The following CTNNA3 variants were observed in gnomAD, a reference collection of about 807,000 sequenced individuals.
CTNNA3 encodes catenin alpha-3.
In CTNNA3, 76 loss-of-function variants were observed where a neutral mutation model predicts 95.7. That is an observed-to-expected ratio of 0.79 (90% CI 0.66 to 0.96). The LOEUF is 0.96. Among genes scored for constraint, CTNNA3 ranks in the 40% least tolerant of loss-of-function variants. CTNNA3 has a pLI of 0.00. For missense variants in CTNNA3, 1,191 were observed against 1,089.8 expected, an observed-to-expected ratio of 1.09 and a Z score of -1.31; for synonymous variants, 431 against 374.4, an observed-to-expected ratio of 1.15 and a Z score of -1.74.
intron 9 of CTNNA3, among the ~76,000 whole-genome samples, chr10:66,715,797 G>A (rs1413980744): frequency 2.0e-5 from 3 of 151,558 alleles, no homozygotes; most frequent in Admixed American, 6.6e-5. Context: ...ATATTGCTAT[G>A]GTCAAGATTT....
intron 7 of CTNNA3, among the ~76,000 whole-genome samples, chr10:66,838,668 G>A (rs1320412869): frequency 6.6e-6 from 1 of 152,122 alleles, no homozygotes; most frequent in Non-Finnish European, 1.5e-5. Context: ...TTCTCTAGGA[G>A]AGGAAATGTG....
intron 1 of CTNNA3, among the ~76,000 whole-genome samples, chr10:67,663,735 G>C (rs1840258529): frequency 6.6e-6 from 1 of 152,160 alleles, no homozygotes; most frequent in South Asian, 2.1e-4. Context: ...ACTGTCCCTG[G>C]CTCATCATGT....
At chr10:65,991,403 A>G (rs1309632721) in intron 15 of CTNNA3, among the ~76,000 whole-genome samples, 1 of 151,848 alleles carries the variant, frequency 6.6e-6, no homozygotes, top group African/African-American at 2.4e-5. Flanking sequence ...GGCATGAAAT[A>G]TATTTTTTAT....
chr10:66,946,875 G>A (rs74637031), intron 7 of CTNNA3, among the ~76,000 whole-genome samples: 2,525 of 152,190 alleles, frequency 0.017, 55 homozygotes, highest in African/African-American at 0.057. Flanking sequence ...TCCACAGCAT[G>A]AATGACTCAG....
intron 1 of CTNNA3, among the ~76,000 whole-genome samples, chr10:67,752,822 G>C (rs1436472240): frequency 6.6e-6 from 1 of 152,104 alleles, no homozygotes; most frequent in Non-Finnish European, 1.5e-5. Flanking sequence ...AAATAAGAGA[G>C]GACACAAACA....
chr10:67,216,615 C>T, intron 6 of CTNNA3, among the ~76,000 whole-genome samples: 1 of 152,156 alleles, frequency 6.6e-6, no homozygotes, highest in Middle Eastern at 3.4e-3. Context: ...TAAACAATGA[C>T]TGTATGAATG....
chr10:66,331,151 T>C (rs901683190), intron 12 of CTNNA3, among the ~76,000 whole-genome samples: 8 of 152,078 alleles, frequency 5.3e-5, no homozygotes, highest in African/African-American at 1.9e-4. Context: ...CATACCTATG[T>C]CCTGAATGGT....
intron 5 of CTNNA3, among the ~76,000 whole-genome samples, chr10:67,477,066 C>G (rs1848040948): frequency 6.6e-6 from 1 of 152,080 alleles, no homozygotes; most frequent in African/African-American, 2.4e-5. Context: ...GCTGCCCAAC[C>G]CTTCCTGTGC....
At chr10:66,907,880 G>A (rs920006672) in intron 7 of CTNNA3, among the ~76,000 whole-genome samples, 1 of 152,082 alleles carries the variant, frequency 6.6e-6, no homozygotes, top group Non-Finnish European at 1.5e-5. Flanking sequence ...TATGGTGAAG[G>A]CTATCATAGG....
chr10:66,558,765 G>A (rs756721976), intron 10 of CTNNA3, among the ~76,000 whole-genome samples: 1 of 152,080 alleles, frequency 6.6e-6, no homozygotes, highest in African/African-American at 2.4e-5. Context: ...AGTTGAAACT[G>A]CTGTGGGGGA....
At chr10:66,896,244 G>A (rs1438902974) in intron 7 of CTNNA3, among the ~76,000 whole-genome samples, 1 of 152,184 alleles carries the variant, frequency 6.6e-6, no homozygotes, top group Non-Finnish European at 1.5e-5. Flanking sequence ...TGACTTTCTT[G>A]TGCCTTACAA....
intron 9 of CTNNA3, among the ~76,000 whole-genome samples, chr10:66,751,737 AG>A (rs558296110): frequency 1.9e-3 from 291 of 152,334 alleles, no homozygotes; most frequent in African/African-American, 6.9e-3. Context: ...TACTTAAATT[AG>A]TTTATACATC....
rs1225977834 is a variant in CTNNA3, at chr10:67,607,349, A to G, written c.100-300T>C. 2.7e-5 allele frequency among the ~76,000 whole-genome samples: 4 copies of G among 149,124 alleles called. No individual in the cohort carries two copies. The South Asian group carries it at 6.3e-4, about 23-fold the overall frequency. ...TACAATAAGATGAGCTAGAGAGACG[A>G]TAGTGTTATTTGTTATTAAGAAAAT... On this transcript the variant is annotated intron_variant, in intron 2 of 17. Coordinates refer to ENST00000433211, the MANE Select transcript of CTNNA3 (RefSeq NM_013266.4).
At chr10:67,460,367 GCA>G (rs1564665082) in intron 5 of CTNNA3, among the ~76,000 whole-genome samples, 1 of 152,114 alleles carries the variant, frequency 6.6e-6, no homozygotes, top group Non-Finnish European at 1.5e-5. Flanking sequence ...TGTAATGGCA[GCA>G]CATTGTTTAA....
chr10:66,417,338 C>A (rs188734866), intron 11 of CTNNA3, among the ~76,000 whole-genome samples: 1 of 151,942 alleles, frequency 6.6e-6, no homozygotes, highest in Admixed American at 6.6e-5. Flanking sequence ...AATAACAATT[C>A]TAAATATATA....
rs1839635330 is a variant in CTNNA3, at chr10:66,483,969, C to G, written c.1531+36648G>C. On this transcript the variant is annotated intron_variant, in intron 11 of 17. Transcript: ENST00000433211. ...GTCATACTGTACTACAATACTTTTT[C>G]CCCACTTTAGTTTATTAAATGATGA... is the stretch of plus-strand genomic sequence containing the variant. Among the ~76,000 whole-genome samples, 5 of 151,994 alleles carry G rather than the reference C, an allele frequency of 3.3e-5. No homozygotes were observed. In the South Asian group the frequency reaches 1.0e-3, roughly 31 times the overall value.
Position 66,571,842 on chromosome 10 carries a change from C to T in CTNNA3, c.1374+49850G>A, listed in dbSNP as rs142044447. Reference sequence around the variant, plus strand: ...CTATAATGACCCTATGTCATTGTCACGTCACAGATGAAGCCGCCGAGGCAC... The same window carrying T: ...CTATAATGACCCTATGTCATTGTCATGTCACAGATGAAGCCGCCGAGGCAC... On this transcript the variant is annotated intron_variant, in intron 10 of 17. Transcript: ENST00000433211. 2.5e-3 allele frequency among the ~76,000 whole-genome samples: 385 copies of T among 152,140 alleles called. 2 individuals carry two copies. The highest frequency in any genetic ancestry group is 8.9e-3 in the African/African-American group (370 of 41,510).
intron 5 of CTNNA3, among the ~76,000 whole-genome samples, chr10:67,462,737 A>G (rs1847428175): frequency 6.6e-6 from 1 of 152,174 alleles, no homozygotes; most frequent in African/African-American, 2.4e-5. Context: ...ATAAACAGAT[A>G]TTCTAGTAGA....
At chr10:67,483,429 A>C (rs2133059435) in intron 5 of CTNNA3, among the ~76,000 whole-genome samples, 2 of 149,516 alleles carry the variant, frequency 1.3e-5, no homozygotes, top group East Asian at 4.0e-4. Context: ...ATGGAATACT[A>C]TGCAGCCATA....
Sources: allele counts gnomAD v4.1 joint callset (sites outside exome capture counted in the v4.1 genomes callset), GRCh38; gene constraint gnomAD v4.1.1; transcripts MANE v1.5; gene names NCBI Gene and HGNC (gene_info 2026-07-23, HGNC 2026-07-21).